SMARCC1: variants seen among roughly 807,000 people sequenced by gnomAD.
SMARCC1 encodes SWI/SNF related BAF chromatin remodeling complex subunit C1.
SMARCC1 carries 43 observed loss-of-function variants against 147.4 expected under a neutral mutation model. The observed-to-expected ratio is 0.29, with a 90% CI of 0.23 to 0.38. The LOEUF (loss-of-function observed/expected upper bound fraction) is 0.38, where lower values mean the gene tolerates loss of function less well. SMARCC1 is among the 10% of genes least tolerant of loss of function. The pLI is 1.00. For synonymous variants in SMARCC1, 495 were observed against 484.4 expected, an observed-to-expected ratio of 1.02 and a Z score of -0.29; for missense variants, 1,119 against 1,381.1, an observed-to-expected ratio of 0.81 and a Z score of 3.01.
chr3:47,658,905 G>T (rs1306958918), intron 21 of SMARCC1, among the ~76,000 whole-genome samples: 1 of 152,034 alleles, frequency 6.6e-6, no homozygotes, highest in Non-Finnish European at 1.5e-5. Flanking sequence ...GGATCACAAG[G>T]TCAGGAGTTC....
At chr3:47,717,046 G>A (rs1223488395) in intron 7 of SMARCC1, among the ~76,000 whole-genome samples, 1 of 152,060 alleles carries the variant, frequency 6.6e-6, no homozygotes, top group Non-Finnish European at 1.5e-5. Context: ...TAATTAACTC[G>A]AACTACATAA....
At chr3:47,659,212 C>A (rs1002984485) in intron 21 of SMARCC1, among the ~76,000 whole-genome samples, 8 of 148,100 alleles carry the variant, frequency 5.4e-5, no homozygotes, top group African/African-American at 1.7e-4. Flanking sequence ...GTGAATATTA[C>A]CAAACACTTA....
At chr3:47,638,890 G>A (rs2033010498) in intron 21 of SMARCC1, 110 bp from the exon 22 acceptor site, 22 of 763,544 alleles carry the variant, frequency 2.9e-5, no homozygotes, top group South Asian at 2.2e-4. Context: ...AATACATAAC[G>A]AATATCATAG....
intron 2 of SMARCC1, among the ~76,000 whole-genome samples, chr3:47,764,570 C>G (rs2034813569): frequency 6.6e-6 from 1 of 152,172 alleles, no homozygotes; most frequent in Non-Finnish European, 1.5e-5. Flanking sequence ...GCCTTGCCCA[C>G]CACCTGGTCC....
Position 47,608,849 on chromosome 3 carries a change from T to TAAA in SMARCC1, c.3043+1214_3043+1216dup, listed in dbSNP as rs35698988. On this transcript the variant is annotated intron_variant, in intron 26 of 27. Transcript: ENST00000254480. ...AGACAACAGAGCGAGACAGTGTCTTTAAAAAAAAAAAAAAAAAAAAAAAAA... is the reference window on the plus strand; with the variant it reads ...AGACAACAGAGCGAGACAGTGTCTTTAAAAAAAAAAAAAAAAAAAAAAAAAAAA... Among the ~76,000 whole-genome samples the TAAA allele has an allele frequency of 6.0e-4, 52 of 86,856 alleles. No homozygotes were observed. In the East Asian group the frequency reaches 6.1e-3, roughly 10 times the overall value. The allele number at this position is 86,856 out of a possible 152,430, so 57.0% of individuals were successfully genotyped here. A position where few individuals can be genotyped will look rare whatever the true frequency, so the allele number is the denominator to read the frequency against.
intron 14 of SMARCC1, among the ~76,000 whole-genome samples, chr3:47,684,239 C>CAAAA (rs759227252): frequency 6.1e-5 from 3 of 49,540 alleles, no homozygotes; most frequent in Admixed American, 2.1e-4. Flanking sequence ...GACTCCGTCT[C>CAAAA]AAAAAAAAAA....
At chr3:47,781,349 G>A (rs1461888484) in intron 1 of SMARCC1, among the ~76,000 whole-genome samples, 1 of 152,238 alleles carries the variant, frequency 6.6e-6, no homozygotes, top group Admixed American at 6.5e-5. Context: ...AGCTCGACCT[G>A]CTCTGGCACA....
intron 26 of SMARCC1, among the ~76,000 whole-genome samples, chr3:47,608,941 A>T (rs573048932): frequency 6.6e-6 from 1 of 151,748 alleles, no homozygotes; most frequent in Admixed American, 6.6e-5. Flanking sequence ...GGGGGTTAGA[A>T]GGACATATGA....
chr3:47,708,670 C>A (rs2034047105), intron 9 of SMARCC1, among the ~76,000 whole-genome samples: 1 of 151,952 alleles, frequency 6.6e-6, no homozygotes, highest in Non-Finnish European at 1.5e-5. Context: ...ATGAAGAGTC[C>A]TCAGCACCAT....
At position 47,635,248 on chromosome 3, in the gene SMARCC1, T is replaced by A; in HGVS notation, c.2588A>T (p.Glu863Val). ...GKKKVEHEIS[E>V]GNVATAAAAA... is the part of the protein sequence containing the mutation. ...TGCTGCGGCTGTGGCAACATTTCCT[T>A]CGGAAATTTCATGTTCTACTTTCTT... The change falls in exon 24 of 28, where the codon GAA becomes GTA. Residue 863 changes from glutamate (E) to valine (V), a missense_variant. Coordinates refer to ENST00000254480, the MANE Select transcript of SMARCC1 (RefSeq NM_003074.4). 6.2e-7 allele frequency: 1 copy of A among 1,613,812 alleles called. No homozygotes were observed. Among genetic ancestry groups the A allele is most frequent in the Non-Finnish European group, 8.5e-7 (1 of 1,179,896 alleles).
chr3:47,642,097 C>G (rs899533900), intron 21 of SMARCC1, among the ~76,000 whole-genome samples: 5 of 152,062 alleles, frequency 3.3e-5, no homozygotes, highest in Non-Finnish European at 7.3e-5. Context: ...CTATTAAAAT[C>G]AAGGACTTCT....
chr3:47,736,711 A>T (rs530044322), intron 4 of SMARCC1, among the ~76,000 whole-genome samples: 6 of 151,860 alleles, frequency 4.0e-5, no homozygotes, highest in South Asian at 4.2e-4. Flanking sequence ...TAAAATAAAT[A>T]AAAAAAATAA....
intron 7 of SMARCC1, 135 bp downstream of exon 7, chr3:47,720,529 TAA>T: frequency 1.5e-6 from 1 of 661,324 alleles, no homozygotes; most frequent in Non-Finnish European, 2.6e-6. Flanking sequence ...AAACAGTCAA[TAA>T]AAGACTCCAT....
At chr3:47,774,779 A>G (rs533062903) in intron 1 of SMARCC1, among the ~76,000 whole-genome samples, 1 of 152,086 alleles carries the variant, frequency 6.6e-6, no homozygotes, top group Non-Finnish European at 1.5e-5. Flanking sequence ...TTGCAACAAA[A>G]ACTAGCAAGC....
At chr3:47,703,462 A>AT (rs11362260) in intron 10 of SMARCC1, among the ~76,000 whole-genome samples, 9 of 151,158 alleles carry the variant, frequency 6.0e-5, no homozygotes, top group Admixed American at 2.6e-4. Context: ...ATTTGTTATC[A>AT]TTTTTTTTTT....
chr3:47,588,515 G>C (rs1327675782), intron 27 of SMARCC1, among the ~76,000 whole-genome samples: 1 of 152,080 alleles, frequency 6.6e-6, no homozygotes, highest in Non-Finnish European at 1.5e-5. Context: ...CCTAACCCTA[G>C]TGGCTGGGGA....
intron 24 of SMARCC1, among the ~76,000 whole-genome samples, chr3:47,629,203 C>T (rs759558726): frequency 2.0e-5 from 3 of 152,168 alleles, no homozygotes; most frequent in African/African-American, 7.2e-5. Context: ...CTCACCCCTA[C>T]TATACTAGTC....
At position 47,736,037 on chromosome 3, in the gene SMARCC1, A is replaced by C. The variant is rs758573003; in HGVS notation, c.573T>G (p.His191Gln). Residue 191 changes from histidine (H) to glutamine (Q), a missense_variant, in exon 5 of 28, where the codon CAT (histidine) becomes CAG (glutamine). His to Gln is a conservative substitution (Grantham distance 24). Transcript: ENST00000254480. ...ANKLKDIIKR[H>Q]QGTFTDEKSK... ...CTGAAGTGATTGTGTCTATTACCTGATGTCGTTTGATGATATCTTTCAATT... is the reference window on the plus strand; with the variant it reads ...CTGAAGTGATTGTGTCTATTACCTGCTGTCGTTTGATGATATCTTTCAATT... The C allele has an allele frequency of 6.7e-7, 1 of 1,495,906 alleles. No homozygotes were observed. Among genetic ancestry groups the C allele is most frequent in the East Asian group, 2.3e-5 (1 of 44,002 alleles). 92.7% of individuals were successfully genotyped at this position (1,495,906 alleles called of 1,614,324 possible).
At chr3:47,609,037 A>T (rs1425695970) in intron 26 of SMARCC1, among the ~76,000 whole-genome samples, 5 of 152,116 alleles carry the variant, frequency 3.3e-5, no homozygotes. Flanking sequence ...AATGGCACAA[A>T]AAAGGGAAGG....
Sources: allele counts gnomAD v4.1 joint callset (sites outside exome capture counted in the v4.1 genomes callset), GRCh38; gene constraint gnomAD v4.1.1; transcripts MANE v1.5; gene names NCBI Gene and HGNC (gene_info 2026-07-23, HGNC 2026-07-21).